The following DYM variants were observed in gnomAD, a reference collection of about 807,000 sequenced individuals.
DYM encodes dyggve-Melchior-Clausen syndrome protein.
In DYM, 78 loss-of-function variants were observed where a neutral mutation model predicts 93.1. The observed-to-expected ratio is 0.84, with a 90% CI of 0.70 to 1.01. The LOEUF (loss-of-function observed/expected upper bound fraction) is 1.01. Ranked by LOEUF, DYM falls within the 50% of genes least tolerant of loss-of-function variation. The pLI is 0.00. For synonymous variants in DYM, 321 were observed against 319.7 expected, an observed-to-expected ratio of 1.00 and a Z score of -0.04; for missense variants, 789 against 845.0, an observed-to-expected ratio of 0.93 and a Z score of 0.82.
At chr18:49,297,037 A>G (rs953939496) in intron 8 of DYM, among the ~76,000 whole-genome samples, 1 of 152,174 alleles carries the variant, frequency 6.6e-6, no homozygotes, top group African/African-American at 2.4e-5. Context: ...ATGTTTTTAA[A>G]GTGTACAAGT....
At chr18:49,238,736 G>A (rs187683227) in intron 13 of DYM, among the ~76,000 whole-genome samples, 2 of 150,864 alleles carry the variant, frequency 1.3e-5, no homozygotes, top group Non-Finnish European at 2.9e-5. Context: ...AGGTTGCAGT[G>A]AGCTGAGACC....
chr18:49,454,620 C>G (rs1373266324), intron 1 of DYM, among the ~76,000 whole-genome samples: 1 of 152,080 alleles, frequency 6.6e-6, no homozygotes, highest in Non-Finnish European at 1.5e-5. Context: ...CTGCTGCAGG[C>G]CGGGTGCGGT....
At chr18:49,311,638 AACACC>A (rs2061594485) in intron 8 of DYM, among the ~76,000 whole-genome samples, 1 of 150,524 alleles carries the variant, frequency 6.6e-6, no homozygotes, top group African/African-American at 2.4e-5. Context: ...CAGAAAACCA[AACACC>A]ACATGTTCTC....
chr18:49,178,494 C>T (rs10502898), intron 14 of DYM, among the ~76,000 whole-genome samples: 1,523 of 152,208 alleles, frequency 0.01, 41 homozygotes, highest in South Asian at 0.075. Context: ...TTTAAGGTGG[C>T]GCTTTAGTGA....
At chr18:49,391,163 C>T (rs2069208080) in intron 3 of DYM, among the ~76,000 whole-genome samples, 1 of 152,176 alleles carries the variant, frequency 6.6e-6, no homozygotes, top group South Asian at 2.1e-4. Flanking sequence ...ATAGGTAGCA[C>T]AGCTGAAATT....
chr18:49,160,647 A>T (rs1045508192), intron 15 of DYM, among the ~76,000 whole-genome samples: 1 of 151,290 alleles, frequency 6.6e-6, no homozygotes, highest in African/African-American at 2.4e-5. Context: ...TTCCTTTTTC[A>T]TCTTTTACCA....
intron 1 of DYM, among the ~76,000 whole-genome samples, chr18:49,439,812 G>C (rs1044835980): frequency 1.3e-5 from 2 of 151,974 alleles, no homozygotes; most frequent in African/African-American, 4.8e-5. Flanking sequence ...GACCAGCCTT[G>C]ACAACAAAGC....
At chr18:49,361,020 C>T (rs2065969301) in intron 6 of DYM, among the ~76,000 whole-genome samples, 1 of 152,206 alleles carries the variant, frequency 6.6e-6, no homozygotes, top group South Asian at 2.1e-4. Context: ...TTCATGACTT[C>T]TGCTCACATA....
intron 8 of DYM, among the ~76,000 whole-genome samples, chr18:49,327,159 A>G (rs2062958215): frequency 6.6e-6 from 1 of 152,100 alleles, no homozygotes; most frequent in East Asian, 1.9e-4. Context: ...GGATAAAGTT[A>G]CATATAGTTT....
chr18:49,043,860 C>G lies in DYM; in HGVS notation c.*195G>C. The G allele has an allele frequency of 1.5e-6, 1 of 656,714 alleles. No homozygotes were observed. The highest frequency in any genetic ancestry group is 2.7e-6 in the Non-Finnish European group (1 of 375,588). The allele number at this position is 656,714 out of a possible 1,614,324, so 40.7% of individuals were successfully genotyped here. A position where few individuals can be genotyped will look rare whatever the true frequency, so the allele number is the denominator to read the frequency against. Reference sequence around the variant, plus strand: ...TGTATTTCCTCCCCTTTTTGCAATACTATCTACGCTGAGTTATCTATTGCC... The same window carrying G: ...TGTATTTCCTCCCCTTTTTGCAATAGTATCTACGCTGAGTTATCTATTGCC... On this transcript the variant is annotated 3_prime_UTR_variant, in exon 18 of 18. Coordinates refer to ENST00000675505, the MANE Select transcript of DYM (RefSeq NM_001353214.3).
At chr18:49,307,050 C>T (rs1465195610) in intron 8 of DYM, among the ~76,000 whole-genome samples, 1 of 151,900 alleles carries the variant, frequency 6.6e-6, no homozygotes, top group Non-Finnish European at 1.5e-5. Flanking sequence ...ATATATGGTT[C>T]TCTCTTATCC....
At position 49,379,702 on chromosome 18, in the gene DYM, TAGAAAGGA is replaced by T. The variant is rs774195791; in HGVS notation, c.242_249del (p.Phe81Ter). The stretch of plus-strand genomic sequence containing the variant: ...GCTGAAAGTTTTAGTTCTTTGGTTC[TAGAAAGGA>T]AGACCTTAATTAGTGCACCAAGATT... On this transcript the variant is annotated frameshift_variant, in exon 4 of 18. Transcript: ENST00000675505. LOFTEE classifies it high-confidence loss of function. 6.2e-7 allele frequency: 1 copy of T among 1,613,450 alleles called. No homozygotes were observed. The highest frequency in any genetic ancestry group is 2.2e-5 in the East Asian group (1 of 44,770).
At chr18:49,277,037 A>T (rs2094860962) in intron 10 of DYM, among the ~76,000 whole-genome samples, 1 of 152,166 alleles carries the variant, frequency 6.6e-6, no homozygotes, top group Non-Finnish European at 1.5e-5. Flanking sequence ...GCTTTTGCCA[A>T]CTCTATGGAT....
At chr18:49,301,246 C>A (rs1311235687) in intron 8 of DYM, among the ~76,000 whole-genome samples, 1 of 152,132 alleles carries the variant, frequency 6.6e-6, no homozygotes, top group Non-Finnish European at 1.5e-5. Flanking sequence ...CTGGGCCGGG[C>A]GTGGTGGCTC....
chr18:49,355,981 T>A (rs1160079274), intron 6 of DYM, among the ~76,000 whole-genome samples: 1 of 152,202 alleles, frequency 6.6e-6, no homozygotes, highest in African/African-American at 2.4e-5. Flanking sequence ...GTTCTCATTA[T>A]AAGCCTCTGT....
intron 8 of DYM, among the ~76,000 whole-genome samples, chr18:49,324,965 T>A (rs573241330): frequency 6.6e-6 from 1 of 152,322 alleles, no homozygotes; most frequent in South Asian, 2.1e-4. Flanking sequence ...TGCTGAGCTA[T>A]GACTCTATCC....
intron 15 of DYM, among the ~76,000 whole-genome samples, chr18:49,122,104 G>A (rs1039036585): frequency 3.3e-5 from 5 of 152,092 alleles, no homozygotes; most frequent in Non-Finnish European, 7.4e-5. Context: ...TCTGCTGATG[G>A]ACATCCAATA....
At chr18:49,061,953 AGTCTTTATTTTTC>A (rs928778075) in intron 17 of DYM, among the ~76,000 whole-genome samples, 1 of 152,160 alleles carries the variant, frequency 6.6e-6, no homozygotes, top group African/African-American at 2.4e-5. Context: ...CATCCTAATA[AGTCTTTATTTTTC>A]TGATACGGTC....
At chr18:49,372,693 C>G (rs372225856) in intron 5 of DYM, among the ~76,000 whole-genome samples, 1 of 151,962 alleles carries the variant, frequency 6.6e-6, no homozygotes, top group Admixed American at 6.6e-5. Context: ...TGCAGTGAGC[C>G]GAGATTGCAC....
Sources: allele counts gnomAD v4.1 joint callset (sites outside exome capture counted in the v4.1 genomes callset), GRCh38; gene constraint gnomAD v4.1.1; transcripts MANE v1.5; gene names NCBI Gene and HGNC (gene_info 2026-07-23, HGNC 2026-07-21).